The following SNTB1 variants were observed in gnomAD, a reference collection of about 807,000 sequenced individuals.
SNTB1 encodes the protein beta-1-syntrophin.
A neutral mutation model predicts 48.9 loss-of-function variants in SNTB1; 36 were observed. The ratio of observed to expected loss-of-function variants is 0.74; its 90% CI spans 0.56 to 0.97. SNTB1 has a LOEUF of 0.97. SNTB1 is among the 50% of genes least tolerant of loss of function. The pLI, the probability that SNTB1 is intolerant of heterozygous loss-of-function variation, is 0.00. For synonymous variants in SNTB1, 299 were observed against 294.6 expected, an observed-to-expected ratio of 1.01 and a Z score of -0.15; for missense variants, 786 against 703.4, an observed-to-expected ratio of 1.12 and a Z score of -1.33.
chr8:120,772,071 T>C (rs985597576), intron 1 of SNTB1, among the ~76,000 whole-genome samples: 1 of 151,982 alleles, frequency 6.6e-6, no homozygotes, highest in African/African-American at 2.4e-5. Context: ...GGTTTCACCA[T>C]GTTGGCCAGG....
At chr8:120,668,381 C>T (rs953327665) in intron 2 of SNTB1, among the ~76,000 whole-genome samples, 1 of 152,180 alleles carries the variant, frequency 6.6e-6, no homozygotes, top group East Asian at 1.9e-4. Flanking sequence ...AATATAGTTC[C>T]CGTTACTCCA....
chr8:120,698,893 A>G (rs1446938411), intron 1 of SNTB1, among the ~76,000 whole-genome samples: 4 of 152,222 alleles, frequency 2.6e-5, no homozygotes, highest in Non-Finnish European at 5.9e-5. Context: ...GGCAATCAAA[A>G]TAGTTAGGAT....
At chr8:120,573,274 T>C (rs1815887680) in intron 4 of SNTB1, among the ~76,000 whole-genome samples, 1 of 152,232 alleles carries the variant, frequency 6.6e-6, no homozygotes, top group Non-Finnish European at 1.5e-5. Flanking sequence ...ACACACATCC[T>C]AAGCACATCC....
At position 120,779,786 on chromosome 8, in the gene SNTB1, T is replaced by A. The variant is rs1370781659; in HGVS notation, c.571+31487A>T. 4.0e-5 allele frequency among the ~76,000 whole-genome samples: 6 copies of A among 151,126 alleles called. 1 individual carries two copies. The highest frequency in any genetic ancestry group is 1.3e-4 in the Admixed American group (2 of 15,182). ...CCTAGAAGGGAGTTTGACAGGAGAG[T>A]GAAAGATGATAGTTTTGGTTTGAGG... is the stretch of plus-strand genomic sequence containing the variant. On this transcript the variant is annotated intron_variant, in intron 1 of 6. Coordinates refer to ENST00000517992, the MANE Select transcript of SNTB1 (RefSeq NM_021021.4).
intron 3 of SNTB1, among the ~76,000 whole-genome samples, chr8:120,600,323 T>C (rs550673774): frequency 6.6e-6 from 1 of 152,344 alleles, no homozygotes; most frequent in East Asian, 1.9e-4. Context: ...ACAGAGAACA[T>C]GGAGAACAAA....
chr8:120,632,292 G>A (rs893462788), intron 3 of SNTB1, 152 bp downstream of exon 3: 3 of 755,172 alleles, frequency 4.0e-6, no homozygotes, highest in African/African-American at 1.8e-5. Context: ...CATGTATAAT[G>A]TAAAGGCCTG....
rs1815216100 is a variant in SNTB1, at chr8:120,537,211, C to T, written c.*1666G>A. On this transcript the variant is annotated 3_prime_UTR_variant, in exon 7 of 7. Transcript: ENST00000517992. ...ACAAGATGCTCCATTAGAAAAGAGTCCTGTAGGTAAGTGTGAGGAATGGTT... is the reference window on the plus strand; with the variant it reads ...ACAAGATGCTCCATTAGAAAAGAGTTCTGTAGGTAAGTGTGAGGAATGGTT... 1 of 151,078 alleles carries T rather than the reference C, an allele frequency of 6.6e-6. No individual in the cohort carries two copies. Among genetic ancestry groups the T allele is most frequent in the Non-Finnish European group, 1.5e-5 (1 of 67,858 alleles). The allele number at this position is 151,078 out of a possible 1,614,324, so 9.4% of individuals were successfully genotyped here. A position where few individuals can be genotyped will look rare whatever the true frequency, so the allele number is the denominator to read the frequency against.
chr8:120,644,417 G>GT (rs1817248582), intron 2 of SNTB1, among the ~76,000 whole-genome samples: 1 of 148,952 alleles, frequency 6.7e-6, no homozygotes, highest in South Asian at 2.1e-4. Context: ...GCGATGTTTG[G>GT]TTTTTTGTTC....
chr8:120,656,101 T>C (rs1016444767), intron 2 of SNTB1, among the ~76,000 whole-genome samples: 1 of 152,030 alleles, frequency 6.6e-6, no homozygotes, highest in East Asian at 1.9e-4. Flanking sequence ...TTAACTAGAG[T>C]TGGAGTTGAT....
chr8:120,798,227 T>C (rs977199369), intron 1 of SNTB1, among the ~76,000 whole-genome samples: 1 of 151,882 alleles, frequency 6.6e-6, no homozygotes, highest in Non-Finnish European at 1.5e-5. Context: ...GGCCCCAGAC[T>C]AATAAAATCA....
intron 2 of SNTB1, among the ~76,000 whole-genome samples, chr8:120,678,166 A>G (rs920746954): frequency 6.6e-6 from 1 of 152,144 alleles, no homozygotes; most frequent in Non-Finnish European, 1.5e-5. Flanking sequence ...AATTAATGTT[A>G]AAAAACATTT....
chr8:120,708,070 T>C (rs1818408095), intron 1 of SNTB1, among the ~76,000 whole-genome samples: 1 of 151,954 alleles, frequency 6.6e-6, no homozygotes, highest in South Asian at 2.1e-4. Flanking sequence ...ATTTGTATTA[T>C]AAACAAAAGG....
At chr8:120,696,999 G>C (rs1818222200) in intron 1 of SNTB1, among the ~76,000 whole-genome samples, 1 of 152,202 alleles carries the variant, frequency 6.6e-6, no homozygotes, top group African/African-American at 2.4e-5. Context: ...GTGAGACTGG[G>C]TGTACTTAAG....
intron 1 of SNTB1, among the ~76,000 whole-genome samples, chr8:120,769,899 A>G (rs543519958): frequency 6.6e-6 from 1 of 152,334 alleles, no homozygotes; most frequent in Non-Finnish European, 1.5e-5. Context: ...TGTATGCCCA[A>G]TACATAATAT....
At position 120,675,969 on chromosome 8, in the gene SNTB1, A is replaced by C. The variant is rs562675767; in HGVS notation, c.788+17723T>G. ...TACCTTGCTGTACTACAGAGGATAGAATGCTTAAAGATATATCCACCTTCC... is the reference window on the plus strand; with the variant it reads ...TACCTTGCTGTACTACAGAGGATAGCATGCTTAAAGATATATCCACCTTCC... On this transcript the variant is annotated intron_variant, in intron 2 of 6. Coordinates refer to ENST00000517992, the MANE Select transcript of SNTB1 (RefSeq NM_021021.4). Among the ~76,000 whole-genome samples, 5 of 152,344 alleles carry C rather than the reference A, an allele frequency of 3.3e-5. No homozygotes were observed. The East Asian group carries it at 9.6e-4, about 29-fold the overall frequency.
intron 1 of SNTB1, among the ~76,000 whole-genome samples, chr8:120,778,071 G>A (rs74723382): frequency 0.039 from 5,892 of 152,276 alleles, 376 homozygotes; most frequent in African/African-American, 0.13. Context: ...TCCAAACTTT[G>A]TGTGTGCACA....
rs895275240 is a variant in SNTB1, at chr8:120,712,313, G to T, written c.572-18405C>A. Among the ~76,000 whole-genome samples the T allele has an allele frequency of 5.3e-5, 8 of 151,270 alleles. 1 individual carries two copies. Among genetic ancestry groups the T allele is most frequent in the African/African-American group, 1.9e-4 (8 of 41,076 alleles). Reference sequence around the variant, plus strand: ...GCCTGTAGTCCCGGCTACTCAGGAGGCTGAGGCAGGAGAATGGCATGAACC... The same window carrying T: ...GCCTGTAGTCCCGGCTACTCAGGAGTCTGAGGCAGGAGAATGGCATGAACC... On this transcript the variant is annotated intron_variant, in intron 1 of 6. Transcript: ENST00000517992.
At chr8:120,694,406 T>C (rs1024368015) in intron 1 of SNTB1, among the ~76,000 whole-genome samples, 1 of 152,056 alleles carries the variant, frequency 6.6e-6, no homozygotes, top group Non-Finnish European at 1.5e-5. Context: ...ACACATTTTG[T>C]AGTGGCAAAA....
intron 1 of SNTB1, among the ~76,000 whole-genome samples, chr8:120,737,217 C>T (rs1221545586): frequency 6.6e-6 from 1 of 152,114 alleles, no homozygotes; most frequent in Non-Finnish European, 1.5e-5. Context: ...CCATTTAATC[C>T]TCTCAACCTT....
Sources: gnomAD v4.1 joint callset for allele counts (sites outside exome capture counted in the v4.1 genomes callset) on GRCh38, gnomAD v4.1.1 for gene constraint, MANE v1.5 for transcripts, NCBI Gene and HGNC (gene_info 2026-07-23, HGNC 2026-07-21) for gene names.